RRP8: variants seen among roughly 807,000 people sequenced by gnomAD.
RRP8 encodes ribosomal RNA processing 8, also known as ribosomal RNA-processing protein 8.
In RRP8, 48 loss-of-function variants were observed where a neutral mutation model predicts 45.0. The ratio of observed to expected loss-of-function variants is 1.07; its 90% confidence interval spans 0.85 to 1.36. The LOEUF is 1.36. RRP8 is among the 40% of genes most tolerant of loss of function. The pLI, the probability that RRP8 is intolerant of heterozygous loss-of-function variation, is 0.00. For synonymous variants in RRP8, 274 were observed against 212.4 expected (o/e 1.29, Z -2.52); for missense variants, 658 against 573.7 (o/e 1.15, Z -1.50).
rs751249144 is a variant in RRP8, at chr11:6,600,249, T to C, written c.1268A>G (p.His423Arg). ...CTTTTGGAAATCAAACAAGAAGAAA[T>C]GGCTGTTGGTCAGGTCCTAGGGGCA... The part of the protein sequence containing the change: ...KIVSKDLTNS[H>R]FFLFDFQKTG... The change falls in exon 7 of 7, where the codon CAT becomes CGT. Residue 423 changes from histidine to arginine, a missense_variant. By Grantham distance (29) the His-to-Arg change is conservative (BLOSUM62 0). Transcript: ENST00000254605. The C allele has an allele frequency of 3.1e-6, 5 of 1,598,280 alleles. No homozygotes were observed. Among genetic ancestry groups the C allele is most frequent in the African/African-American group, 1.4e-5 (1 of 73,688 alleles).
chr11:6,601,853 T>C lies in RRP8; in HGVS notation c.462A>G (p.Thr154=), dbSNP rs770007961. Reference sequence around the variant, plus strand: ...ACACATATACACATCCAATGGTACCTGTTTGGTCAACATTGTCCAGGTGCT... The same window carrying C: ...ACACATATACACATCCAATGGTACCCGTTTGGTCAACATTGTCCAGGTGCT... ...SAQHLDNVDQ[T]GPKAWKGSTT... Residue 154 remains threonine (T), a splice_region_variant and synonymous_variant, in exon 2 of 7, where the codon ACA becomes ACG. Transcript: ENST00000254605. The C allele has an allele frequency of 3.1e-6, 5 of 1,607,644 alleles. No individual in the cohort carries two copies. In the East Asian group the frequency reaches 8.9e-5, roughly 29 times the overall value.
Position 6,600,163 on chromosome 11 carries a change from G to C in RRP8, c.1354C>G (p.Leu452Val). Residue 452 changes from leucine (L) to valine (V), a missense_variant, in exon 7 of 7, where the codon CTC (leucine) becomes GTC (valine). Coordinates refer to ENST00000254605, the MANE Select transcript of RRP8 (RefSeq NM_015324.4). Reference sequence around the variant, plus strand: ...TCCAGAGGTCACCTGCGCTTGTAGAGACATGGCTGAAGCTGCAGGCCTGAA... The same window carrying C: ...TCCAGAGGTCACCTGCGCTTGTAGACACATGGCTGAAGCTGCAGGCCTGAA... ...QLSGLQLQPC[L>V]YKRR 1 of 1,597,542 alleles carries C rather than the reference G, an allele frequency of 6.3e-7. No individual in the cohort carries two copies. The highest frequency in any genetic ancestry group is 8.5e-7 in the Non-Finnish European group (1 of 1,173,510).
In RRP8 at chr11:6,600,781, G is replaced by T; in HGVS notation, c.1048-6C>A. On this transcript the variant is annotated splice_region_variant and splice_polypyrimidine_tract_variant and intron_variant, in intron 4 of 6. Coordinates refer to ENST00000254605, the MANE Select transcript of RRP8 (RefSeq NM_015324.4). ...GACTCATCCTCCAGAGGAACCTGTG[G>T]AGAGTGAGAGTGTTGTATAAGGCAC... 5 of 1,613,152 alleles carry T rather than the reference G, an allele frequency of 3.1e-6. No homozygotes were observed. In the South Asian group the frequency reaches 5.5e-5, roughly 18 times the overall value.
chr11:6,601,909 A>G lies in RRP8; in HGVS notation c.406T>C (p.Cys136Arg). The G allele has an allele frequency of 6.2e-7, 1 of 1,614,050 alleles. No homozygotes were observed. The highest frequency in any genetic ancestry group is 1.1e-5 in the South Asian group (1 of 91,062). Residue 136 changes from cysteine (C) to arginine (R), a missense_variant, in exon 2 of 7, where the codon TGC becomes CGC. Physicochemically the swap from Cys to Arg is radical, Grantham distance 180. Transcript: ENST00000254605. ...SAEDEKRKRK[C>R]QKHAPINSAQ... ...GAATTTATAGGGGCATGTTTCTGGC[A>G]TTTCCTCTTTCTTTTCTCATCTTCA...
chr11:6,602,062 A>C lies in RRP8; in HGVS notation c.253T>G (p.Ser85Ala). ...CPKKASFASASAEVGKKGKKK... is the reference protein window; with the variant it reads ...CPKKASFASAAAEVGKKGKKK... ...TTCCCTTTCTTCCCTACTTCAGCAG[A>C]GGCACTGGCAAATGATGCCTTTTTG... The change falls in exon 2 of 7, where the codon TCT becomes GCT. Residue 85 changes from serine (S) to alanine (A), a missense_variant. Coordinates refer to ENST00000254605, the MANE Select transcript of RRP8 (RefSeq NM_015324.4). 2 of 1,613,838 alleles carry C rather than the reference A, an allele frequency of 1.2e-6. No homozygotes were observed. The highest frequency in any genetic ancestry group is 1.7e-6 in the Non-Finnish European group (2 of 1,179,816).
In RRP8 at chr11:6,595,903, T is replaced by G. The variant is rs766621849; in HGVS notation, c.*4243A>C. On this transcript the variant is annotated 3_prime_UTR_variant, in exon 7 of 7. Coordinates refer to ENST00000254605, the MANE Select transcript of RRP8 (RefSeq NM_015324.4). ...TCCAATATGGATGTTTTTGGTCAAG[T>G]AGCTATTATGCCCTAAATAGTAACT... The G allele has an allele frequency of 2.0e-5, 3 of 152,242 alleles. No homozygotes were observed. The highest frequency in any genetic ancestry group is 4.4e-5 in the Non-Finnish European group (3 of 68,044). 9.4% of individuals were successfully genotyped at this position (152,242 alleles called of 1,614,324 possible). A position where few individuals can be genotyped will look rare whatever the true frequency, so the allele number is the denominator to read the frequency against.
chr11:6,600,770 A>G lies in RRP8; in HGVS notation c.1053T>C (p.Pro351=). The G allele has an allele frequency of 1.2e-6, 2 of 1,613,950 alleles. No individual in the cohort carries two copies. The highest frequency in any genetic ancestry group is 1.7e-6 in the Non-Finnish European group (2 of 1,179,894). The part of the protein sequence containing the change: ...RVTVCDMAQV[P]LEDESVDVAV... ...CCACATCCACAGACTCATCCTCCAG[A>G]GGAACCTGTGGAGAGTGAGAGTGTT... Residue 351 remains proline, a synonymous_variant, in exon 5 of 7, where the codon CCT becomes CCC. Transcript: ENST00000254605.
At position 6,603,392 on chromosome 11, in the gene RRP8, C is replaced by A; in HGVS notation, c.99+12G>T. ...CCTGAAACAGCTCCCATTGCTCCCG[C>A]GAGTCACTCACCTTGTTTTGCGAGG... is the stretch of plus-strand genomic sequence containing the variant. On this transcript the variant is annotated intron_variant, in intron 1 of 6. Transcript: ENST00000254605. The A allele has an allele frequency of 6.9e-6, 11 of 1,587,702 alleles. No individual in the cohort carries two copies. Among genetic ancestry groups the A allele is most frequent in the Non-Finnish European group, 9.4e-6 (11 of 1,165,370 alleles).
chr11:6,603,557 C>A lies in RRP8; in HGVS notation c.-55G>T, dbSNP rs1589919946. On this transcript the variant is annotated 5_prime_UTR_variant, in exon 1 of 7. Coordinates refer to ENST00000254605, the MANE Select transcript of RRP8 (RefSeq NM_015324.4). Reference sequence around the variant, plus strand: ...CCCGCTCTTCTCCACGTGCACAGCGCTCCTCTGGAAGTCGGAGCGCTCAGA... The same window carrying A: ...CCCGCTCTTCTCCACGTGCACAGCGATCCTCTGGAAGTCGGAGCGCTCAGA... 2 of 1,214,278 alleles carry A rather than the reference C, an allele frequency of 1.6e-6. No homozygotes were observed. Among genetic ancestry groups the A allele is most frequent in the Non-Finnish European group, 1.2e-6 (1 of 869,212 alleles). The allele number at this position is 1,214,278 out of a possible 1,614,324, so 75.2% of individuals were successfully genotyped here. A position where few individuals can be genotyped will look rare whatever the true frequency, so the allele number is the denominator to read the frequency against.
Position 6,601,360 on chromosome 11 carries a change from C to T in RRP8, c.706G>A (p.Gly236Arg). The T allele has an allele frequency of 6.2e-7, 1 of 1,614,136 alleles. No individual in the cohort carries two copies. The highest frequency in any genetic ancestry group is 8.5e-7 in the Non-Finnish European group (1 of 1,180,018). The change falls in exon 3 of 7, where the codon GGG (glycine) becomes AGG (arginine). Residue 236 changes from glycine (G) to arginine (R), a missense_variant. Physicochemically the swap from Gly to Arg is moderately radical, Grantham distance 125 (BLOSUM62 -2). Coordinates refer to ENST00000254605, the MANE Select transcript of RRP8 (RefSeq NM_015324.4). Reference sequence around the variant, plus strand: ...TGTGCCATGCGGGCTCGCAAAGCCCCTGCCCGAGCCTCATGGCTGTCTGTC... The same window carrying T: ...TGTGCCATGCGGGCTCGCAAAGCCCTTGCCCGAGCCTCATGGCTGTCTGTC... ...PRTDSHEARA[G>R]ALRARMAQRL...
rs1383731677 is a variant in RRP8, at chr11:6,595,603, C to T, written c.*4543G>A. On this transcript the variant is annotated 3_prime_UTR_variant, in exon 7 of 7. Coordinates refer to ENST00000254605, the MANE Select transcript of RRP8 (RefSeq NM_015324.4). ...GTTTTTCCGGTCACAGTCACAATGA[C>T]GGATTTAAAAAAAAAAGAGTATCTC... 2 of 151,588 alleles carry T rather than the reference C, an allele frequency of 1.3e-5. No homozygotes were observed. Among genetic ancestry groups the T allele is most frequent in the African/African-American group, 2.4e-5 (1 of 41,230 alleles). 9.4% of individuals were successfully genotyped at this position (151,588 alleles called of 1,614,324 possible).
At position 6,600,166 on chromosome 11, in the gene RRP8, A is replaced by G. The variant is rs188659976; in HGVS notation, c.1351T>C (p.Cys451Arg). 4.4e-6 allele frequency: 7 copies of G among 1,598,492 alleles called. No individual in the cohort carries two copies. The highest frequency in any genetic ancestry group is 2.2e-5 in the East Asian group (1 of 44,648). Residue 451 changes from cysteine (C) to arginine (R), a missense_variant, in exon 7 of 7, where the codon TGT becomes CGT. Coordinates refer to ENST00000254605, the MANE Select transcript of RRP8 (RefSeq NM_015324.4). ...AGAGGTCACCTGCGCTTGTAGAGACATGGCTGAAGCTGCAGGCCTGAAAGC... is the reference window on the plus strand; with the variant it reads ...AGAGGTCACCTGCGCTTGTAGAGACGTGGCTGAAGCTGCAGGCCTGAAAGC... ...AQLSGLQLQP[C>R]LYKRR
rs371852486 is a variant in RRP8 at position 6,603,084 on chromosome 11, A to G, written c.99+320T>C. Among the ~76,000 whole-genome samples the G allele has an allele frequency of 1.4e-4, 22 of 152,298 alleles. No individual in the cohort carries two copies. In the South Asian group the frequency reaches 2.7e-3, roughly 19 times the overall value. On this transcript the variant is annotated intron_variant, in intron 1 of 6. Coordinates refer to ENST00000254605, the MANE Select transcript of RRP8 (RefSeq NM_015324.4). ...TCTACCTCTTGAACTTGAACAGCAT[A>G]TATGCCCCTTTCATTTACTATGTAT...
chr11:6,600,146 T>A lies in RRP8; in HGVS notation c.1371A>T (p.Ter457CysextTer6). Residue 457 changes from the stop codon to cysteine, a stop_lost, in exon 7 of 7, where the codon TGA becomes TGT. Coordinates refer to ENST00000254605, the MANE Select transcript of RRP8 (RefSeq NM_015324.4). ...QLQPCLYKRR* is the reference protein window; with the variant it reads ...QLQPCLYKRRC Reference sequence around the variant, plus strand: ...TCCCCTTTCAAGGAAGATCCAGAGGTCACCTGCGCTTGTAGAGACATGGCT... The same window carrying A: ...TCCCCTTTCAAGGAAGATCCAGAGGACACCTGCGCTTGTAGAGACATGGCT... 6.4e-7 allele frequency: 1 copy of A among 1,569,708 alleles called. No homozygotes were observed. Among genetic ancestry groups the A allele is most frequent in the Non-Finnish European group, 8.6e-7 (1 of 1,157,010 alleles).
intron 2 of RRP8, 97 bp downstream of exon 2, chr11:6,601,755 A>T (rs561389012): frequency 7.4e-6 from 11 of 1,479,902 alleles, no homozygotes; most frequent in Non-Finnish European, 9.0e-6. Flanking sequence ...ATTAGCCCCA[A>T]TCCTAATGGC....
In RRP8 at chr11:6,600,925, C is replaced by T; in HGVS notation, c.1047+1G>A. On this transcript the variant is annotated splice_donor_variant, in intron 4 of 6. Transcript: ENST00000254605. LOFTEE classifies it high-confidence loss of function. ...ACAAGCCAGATAACATAGGGGTTTA[C>T]CTGGGCCATGTCACACACAGTGACC... 1 of 1,614,170 alleles carries T rather than the reference C, an allele frequency of 6.2e-7. No homozygotes were observed. Among genetic ancestry groups the T allele is most frequent in the Non-Finnish European group, 8.5e-7 (1 of 1,180,022 alleles).
rs553594801 is a variant in RRP8, at chr11:6,602,393, G to A, written c.100-178C>T. ...CCACCCCAACTTCTGGGAAGCTGGA[G>A]AGCAGAGAAACCACCTATCCCACTT... On this transcript the variant is annotated intron_variant, in intron 1 of 6. Coordinates refer to ENST00000254605, the MANE Select transcript of RRP8 (RefSeq NM_015324.4). 78 of 640,124 alleles carry A rather than the reference G, an allele frequency of 1.2e-4. 2 individuals carry two copies. In the South Asian group the frequency reaches 2.1e-3, roughly 17 times the overall value. The allele number at this position is 640,124 out of a possible 1,614,324, so 39.7% of individuals were successfully genotyped here.
rs1854401400 is a variant in RRP8 at position 6,602,077 on chromosome 11, A to G, written c.238T>C (p.Ser80Pro). 4.3e-6 allele frequency: 7 copies of G among 1,613,448 alleles called. No homozygotes were observed. The highest frequency in any genetic ancestry group is 5.9e-6 in the Non-Finnish European group (7 of 1,179,678). The part of the protein sequence containing the change: ...ERKKKCPKKA[S>P]FASASAEVGK... The stretch of plus-strand genomic sequence containing the variant: ...ACTTCAGCAGAGGCACTGGCAAATG[A>G]TGCCTTTTTGGGGCATTTCTTCTTC... The change falls in exon 2 of 7, where the codon TCA (serine) becomes CCA (proline). Residue 80 changes from serine to proline, a missense_variant. Coordinates refer to ENST00000254605, the MANE Select transcript of RRP8 (RefSeq NM_015324.4).
chr11:6,601,960 G>A lies in RRP8; in HGVS notation c.355C>T (p.Gln119Ter). The A allele has an allele frequency of 6.2e-7, 1 of 1,614,184 alleles. No individual in the cohort carries two copies. The highest frequency in any genetic ancestry group is 8.5e-7 in the Non-Finnish European group (1 of 1,180,040). The change falls in exon 2 of 7, where the codon CAG (glutamine) becomes TAG (stop). Residue 119 changes from glutamine to a stop codon, truncating the protein, a stop_gained. Transcript: ENST00000254605. LOFTEE classifies it high-confidence loss of function. ...GCAGAGTCACTGCCAACAAGAGCCTGTTTGTGGCATTTCTTCTTCCTTTCT... is the reference window on the plus strand; with the variant it reads ...GCAGAGTCACTGCCAACAAGAGCCTATTTGTGGCATTTCTTCTTCCTTTCT... The part of the protein sequence containing the change: ...EVERKKKCHK[Q>*]ALVGSDSAED...
Sources: gnomAD v4.1 joint callset for allele counts (sites outside exome capture counted in the v4.1 genomes callset) on GRCh38, gnomAD v4.1.1 for gene constraint, MANE v1.5 for transcripts, NCBI Gene and HGNC (gene_info 2026-07-23, HGNC 2026-07-21) for gene names.